ABCB7: variants seen among roughly 807,000 people sequenced by gnomAD.
The protein encoded by ABCB7 is ATP binding cassette subfamily B member 7, also known as iron-sulfur clusters transporter ABCB7, mitochondrial.
A neutral mutation model predicts 54.4 loss-of-function variants in ABCB7; 7 were observed. That is an observed-to-expected ratio of 0.13 (90% CI 0.07 to 0.24). The LOEUF (loss-of-function observed/expected upper bound fraction) is 0.24. Among genes scored for constraint, ABCB7 ranks in the 10% least tolerant of loss-of-function variants. The probability of loss-of-function intolerance (pLI) is 1.00; values close to 1 mark genes in which losing one functional copy is unlikely to be tolerated. For synonymous variants in ABCB7, 218 were observed against 207.1 expected (o/e 1.05, Z -0.45); for missense variants, 356 against 570.4 (o/e 0.62, Z 3.83).
chrX:75,151,646 TG>T (rs771643539), intron 1 of ABCB7, among the ~76,000 whole-genome samples: 1 of 111,864 alleles, frequency 8.9e-6, no homozygotes, highest in Non-Finnish European at 1.9e-5. Context: ...TAAAAAGGGC[TG>T]GTCCTAAAGG....
chrX:75,068,969 A>C, intron 12 of ABCB7, 38 bp downstream of exon 12: 2 of 1,193,553 alleles, frequency 1.7e-6, no homozygotes, highest in Non-Finnish European at 2.3e-6. Context: ...CAACCCAATA[A>C]ATCCTCCAAA....
intron 3 of ABCB7, among the ~76,000 whole-genome samples, chrX:75,107,073 C>T (rs1044325173): frequency 9.0e-6 from 1 of 110,716 alleles, no homozygotes; most frequent in East Asian, 2.8e-4. Context: ...GGGAGAGCAC[C>T]GCAACTGTGA....
chrX:75,095,602 T>A (rs1157541504), intron 4 of ABCB7, among the ~76,000 whole-genome samples: 1 of 112,728 alleles, frequency 8.9e-6, no homozygotes, highest in Non-Finnish European at 1.9e-5. Context: ...ATCTAGTTTC[T>A]GTTTTGTAAA....
intron 9 of ABCB7, 133 bp downstream of exon 9, chrX:75,071,376 G>A (rs991881996): frequency 2.7e-6 from 2 of 736,542 alleles, no homozygotes; most frequent in African/African-American, 4.2e-5. Flanking sequence ...TTCTGATACA[G>A]AGAAAAGTAC....
rs765188659 is a variant in ABCB7, at chrX:75,156,278, G to C, written c.-6C>G. On this transcript the variant is annotated 5_prime_UTR_variant, in exon 1 of 16. Coordinates refer to ENST00000373394, the MANE Select transcript of ABCB7 (RefSeq NM_001271696.3). ...TGCATCGCGAGCAGCGCCATCTTGA[G>C]CGAGGAAAGAGGAACCGAGAGAAGA... 3 of 1,201,693 alleles carry C rather than the reference G, an allele frequency of 2.5e-6. No individual in the cohort carries two copies. The Admixed American group carries it at 6.6e-5, about 27-fold the overall frequency.
intron 1 of ABCB7, among the ~76,000 whole-genome samples, chrX:75,127,828 T>G (rs1255988346): frequency 8.9e-6 from 1 of 111,842 alleles, no homozygotes; most frequent in Non-Finnish European, 1.9e-5. Context: ...AGCGAAATCA[T>G]GAGTGAACTC....
intron 15 of ABCB7, among the ~76,000 whole-genome samples, chrX:75,053,814 C>A (rs1240152920): frequency 9.0e-6 from 1 of 111,479 alleles, no homozygotes; most frequent in Non-Finnish European, 1.9e-5. Flanking sequence ...ATTTCTAATA[C>A]CATAAACACC....
chrX:75,073,128 C>T (rs865863071), intron 8 of ABCB7, among the ~76,000 whole-genome samples: 12 of 110,696 alleles, frequency 1.1e-4, no homozygotes, highest in Non-Finnish European at 1.1e-4. Context: ...TGGAATACCT[C>T]CTGAAGGACT....
chrX:75,152,482 G>C (rs186571305), intron 1 of ABCB7, among the ~76,000 whole-genome samples: 5 of 111,588 alleles, frequency 4.5e-5, no homozygotes, highest in African/African-American at 1.3e-4. Context: ...TGTAGTTTAT[G>C]GTATTTTGTT....
At chrX:75,054,181 C>G (rs2081217511) in intron 15 of ABCB7, among the ~76,000 whole-genome samples, 1 of 112,171 alleles carries the variant, frequency 8.9e-6, no homozygotes, top group South Asian at 3.7e-4. Context: ...CTACGGTTAA[C>G]CATGCTGAGA....
rs996302691 is a variant in ABCB7 at position 75,097,920 on chromosome X, T to C, written c.453+1022A>G. On this transcript the variant is annotated intron_variant, in intron 4 of 15. Coordinates refer to ENST00000373394, the MANE Select transcript of ABCB7 (RefSeq NM_001271696.3). The stretch of plus-strand genomic sequence containing the variant: ...ACAGACTAAACAACTTGCTTAAGGT[T>C]ACAAGGTGGCAAAGCCCAAGCAGTC... Among the ~76,000 whole-genome samples the C allele has an allele frequency of 6.2e-5, 7 of 112,040 alleles. No individual in the cohort carries two copies. The South Asian group carries it at 2.6e-3, about 42-fold the overall frequency.
chrX:75,148,487 T>C (rs1435187902), intron 1 of ABCB7, among the ~76,000 whole-genome samples: 8 of 109,826 alleles, frequency 7.3e-5, no homozygotes, highest in African/African-American at 2.7e-4. Context: ...ACACACATTG[T>C]TATGGTCTGA....
intron 1 of ABCB7, among the ~76,000 whole-genome samples, chrX:75,134,865 C>T (rs1249850047): frequency 9.0e-6 from 1 of 111,160 alleles, no homozygotes; most frequent in African/African-American, 3.3e-5. Context: ...ATGCCCACAT[C>T]AAAAAGTTAG....
chrX:75,074,069 G>A (rs910607941), intron 6 of ABCB7, 113 bp from the exon 7 acceptor site: 38 of 600,809 alleles, frequency 6.3e-5, no homozygotes, highest in Non-Finnish European at 9.3e-5. Context: ...ATATGGTGGC[G>A]TGAAGTTATG....
intron 1 of ABCB7, among the ~76,000 whole-genome samples, chrX:75,129,346 A>G (rs986865825): frequency 9.0e-6 from 1 of 110,897 alleles, no homozygotes; most frequent in African/African-American, 3.3e-5. Context: ...TAACACAGGA[A>G]CAGAAAACCA....
intron 3 of ABCB7, among the ~76,000 whole-genome samples, chrX:75,111,285 A>G (rs1230501692): frequency 8.9e-6 from 1 of 112,165 alleles, no homozygotes; most frequent in Non-Finnish European, 1.9e-5. Context: ...CAAAGAAGGT[A>G]TTCAATATAT....
At chrX:75,137,749 T>A (rs945525893) in intron 1 of ABCB7, among the ~76,000 whole-genome samples, 1 of 111,953 alleles carries the variant, frequency 8.9e-6, no homozygotes, top group Non-Finnish European at 1.9e-5. Context: ...TGGAGGCCAT[T>A]ATCCTAAGCT....
chrX:75,108,166 G>A (rs769573124), intron 3 of ABCB7, among the ~76,000 whole-genome samples: 3 of 111,128 alleles, frequency 2.7e-5, no homozygotes, highest in Non-Finnish European at 5.7e-5. Flanking sequence ...TATGAGTGCC[G>A]GCTCAGCCTC....
intron 3 of ABCB7, among the ~76,000 whole-genome samples, chrX:75,104,724 C>T (rs1319655322): frequency 9.0e-6 from 1 of 110,947 alleles, no homozygotes; most frequent in Non-Finnish European, 1.9e-5. Flanking sequence ...AAACCAAAAC[C>T]AGGCAAGGAA....
Sources: gnomAD v4.1 joint callset for allele counts (sites outside exome capture counted in the v4.1 genomes callset) on GRCh38, gnomAD v4.1.1 for gene constraint, MANE v1.5 for transcripts, NCBI Gene and HGNC (gene_info 2026-07-23, HGNC 2026-07-21) for gene names.